KIDINS220: variants seen among roughly 807,000 people sequenced by gnomAD.
The protein encoded by KIDINS220 is kinase D-interacting substrate of 220 kDa.
A neutral mutation model predicts 157.6 loss-of-function variants in KIDINS220; 63 were observed. That is an observed-to-expected ratio of 0.40 (90% CI 0.33 to 0.49). KIDINS220 has a LOEUF of 0.49. Ranked by LOEUF, KIDINS220 falls within the 20% of genes least tolerant of loss-of-function variation. The pLI is 0.66. For missense variants in KIDINS220, 1,772 were observed against 2,171.2 expected (o/e 0.82, Z 3.65); for synonymous variants, 732 against 783.6 (o/e 0.93, Z 1.10).
intron 14 of KIDINS220, among the ~76,000 whole-genome samples, chr2:8,789,621 A>G (rs1672914798): frequency 6.6e-6 from 1 of 152,130 alleles, no homozygotes; most frequent in Non-Finnish European, 1.5e-5. Context: ...ATCATTAATT[A>G]ACAAAAAGAG....
At chr2:8,740,008 A>G (rs1665406635) in intron 26 of KIDINS220, 1 of 158,816 alleles carries the variant, frequency 6.3e-6, no homozygotes, top group African/African-American at 2.4e-5. Context: ...GCCAGAAATG[A>G]GTGCCATGCA....
intron 1 of KIDINS220, among the ~76,000 whole-genome samples, chr2:8,834,121 C>T (rs1680042370): frequency 1.3e-5 from 2 of 152,146 alleles, no homozygotes; most frequent in African/African-American, 4.8e-5. Context: ...TGTGCAGTCC[C>T]CAGAGCCTAC....
chr2:8,786,104 C>A, intron 16 of KIDINS220, 74 bp from the exon 17 acceptor site: 1 of 1,555,810 alleles, frequency 6.4e-7, no homozygotes, highest in Non-Finnish European at 8.8e-7. Context: ...AGTCACAATA[C>A]CTGATGAGTC....
At chr2:8,773,027 AAAAAG>A (rs1670443862) in intron 21 of KIDINS220, among the ~76,000 whole-genome samples, 1 of 152,252 alleles carries the variant, frequency 6.6e-6, no homozygotes. Context: ...AACATCACAA[AAAAAG>A]AAATCAAAAT....
At chr2:8,752,372 C>CA (rs926145464) in intron 22 of KIDINS220, among the ~76,000 whole-genome samples, 10 of 151,624 alleles carry the variant, frequency 6.6e-5, no homozygotes, top group East Asian at 1.9e-4. Flanking sequence ...AGTATGGTTA[C>CA]AAAAAAAGGT....
downstream of KIDINS220, chr2:8,725,615 A>T (rs1663232806): frequency 6.6e-6 from 1 of 152,252 alleles, no homozygotes; most frequent in South Asian, 2.1e-4. Flanking sequence ...AGAAGAAATG[A>T]GAAAAGTGCT....
intron 26 of KIDINS220, among the ~76,000 whole-genome samples, chr2:8,744,780 T>G (rs1159568946): frequency 6.6e-6 from 1 of 152,124 alleles, no homozygotes; most frequent in Non-Finnish European, 1.5e-5. Context: ...GGCATTGAAC[T>G]AAGTGACTAC....
chr2:8,835,243 C>T (rs1405181452), intron 1 of KIDINS220, among the ~76,000 whole-genome samples: 1 of 152,110 alleles, frequency 6.6e-6, no homozygotes, highest in African/African-American at 2.4e-5. Context: ...AATAGATAAC[C>T]ATCAAATTAA....
intron 8 of KIDINS220, 41 bp from the exon 9 acceptor site, chr2:8,800,539 A>G (rs944481356): frequency 3.0e-6 from 4 of 1,351,968 alleles, no homozygotes; most frequent in Middle Eastern, 1.8e-4. Flanking sequence ...AGGTAAATTG[A>G]CAACAAATAA....
chr2:8,747,794 A>C (rs1558335627), intron 25 of KIDINS220, 93 bp downstream of exon 25: 1 of 603,112 alleles, frequency 1.7e-6, no homozygotes, highest in African/African-American at 1.9e-5. Context: ...AATCAGTTGC[A>C]CTCTTTTACT....
rs1263014653 is a variant in KIDINS220, at chr2:8,780,536, G to A, written c.2230-722C>T. ...TGTGTGTGTCTGTGTGTGTGTGTGTGTGTGTGGTGGGGGGTGTGTGTGTGT... is the reference window on the plus strand; with the variant it reads ...TGTGTGTGTCTGTGTGTGTGTGTGTATGTGTGGTGGGGGGTGTGTGTGTGT... On this transcript the variant is annotated intron_variant, in intron 17 of 29. Transcript: ENST00000256707. Among the ~76,000 whole-genome samples, 4 of 151,686 alleles carry A rather than the reference G, an allele frequency of 2.6e-5. No homozygotes were observed. The South Asian group carries it at 8.3e-4, about 32-fold the overall frequency.
chr2:8,831,733 G>C (rs1286594400), intron 1 of KIDINS220, among the ~76,000 whole-genome samples: 1 of 152,212 alleles, frequency 6.6e-6, no homozygotes, highest in Non-Finnish European at 1.5e-5. Context: ...GGAGGTGAGA[G>C]AGAAAAGCAG....
At chr2:8,787,444 C>T (rs2148254869) in intron 15 of KIDINS220, among the ~76,000 whole-genome samples, 1 of 151,602 alleles carries the variant, frequency 6.6e-6, no homozygotes, top group East Asian at 1.9e-4. Flanking sequence ...TCTTGGCTCA[C>T]TGTACCCTCA....
chr2:8,796,753 T>G lies in KIDINS220; in HGVS notation c.1098+18A>C. Reference sequence around the variant, plus strand: ...CAACAGCTTTCCATACAGTGTTCTCTCCGCACAGATGTTTTACCTTATCTA... The same window carrying G: ...CAACAGCTTTCCATACAGTGTTCTCGCCGCACAGATGTTTTACCTTATCTA... On this transcript the variant is annotated intron_variant, in intron 11 of 29. Transcript: ENST00000256707. The G allele has an allele frequency of 6.3e-7, 1 of 1,587,338 alleles. No homozygotes were observed. The highest frequency in any genetic ancestry group is 8.7e-7 in the Non-Finnish European group (1 of 1,155,528).
chr2:8,748,599 T>C (rs1199312809), intron 24 of KIDINS220, among the ~76,000 whole-genome samples: 2 of 152,266 alleles, frequency 1.3e-5, no homozygotes, highest in African/African-American at 2.4e-5. Flanking sequence ...TGGCATACAT[T>C]TGTAACCAGC....
intron 21 of KIDINS220, among the ~76,000 whole-genome samples, chr2:8,772,700 A>G (rs73912902): frequency 0.031 from 4,794 of 152,288 alleles, 141 homozygotes; most frequent in African/African-American, 0.075. Context: ...ACAAATTTGA[A>G]ATAAAGTACA....
intron 26 of KIDINS220, among the ~76,000 whole-genome samples, chr2:8,743,965 T>TCACAAGG (rs1665988312): frequency 6.6e-6 from 1 of 151,482 alleles, no homozygotes; most frequent in Non-Finnish European, 1.5e-5. Context: ...GGCATATATT[T>TCACAAGG]TTTCTCTATT....
chr2:8,747,750 T>C (rs942278065), intron 25 of KIDINS220, 137 bp downstream of exon 25: 1 of 444,784 alleles, frequency 2.2e-6, no homozygotes, highest in African/African-American at 2.0e-5. Context: ...ACATTTTATG[T>C]TAGTAATAGG....
intron 22 of KIDINS220, among the ~76,000 whole-genome samples, chr2:8,756,685 C>G (rs890891466): frequency 6.6e-6 from 1 of 151,348 alleles, no homozygotes; most frequent in African/African-American, 2.4e-5. Context: ...AAGGACACTA[C>G]AGAGAGAGAG....
Sources: gnomAD v4.1 joint callset for allele counts (sites outside exome capture counted in the v4.1 genomes callset) on GRCh38, gnomAD v4.1.1 for gene constraint, MANE v1.5 for transcripts, NCBI Gene and HGNC (gene_info 2026-07-23, HGNC 2026-07-21) for gene names.